Variants in MYH1 observed in about 807,000 individuals in gnomAD.
The protein encoded by MYH1 is myosin heavy chain 1.
MYH1 carries 214 observed loss-of-function variants against 225.6 expected under a neutral mutation model. The ratio of observed to expected loss-of-function variants is 0.95; its 90% CI spans 0.85 to 1.06. The LOEUF is 1.06. Among genes scored for constraint, MYH1 ranks in the 50% least tolerant of loss-of-function variants. The pLI is 0.00. For missense variants in MYH1, 2,098 were observed against 2,344.2 expected (o/e 0.89, Z 2.17); for synonymous variants, 774 against 842.3 (o/e 0.92, Z 1.40).
rs2142281913 is a variant in MYH1 at position 10,516,068 on chromosome 17, C to G, written c.363G>C (p.Leu121Phe). The G allele has an allele frequency of 6.2e-7, 1 of 1,614,086 alleles. No homozygotes were observed. Among genetic ancestry groups the G allele is most frequent in the Admixed American group, 1.7e-5 (1 of 60,018 alleles). The change falls in exon 5 of 40, where the codon TTG (leucine) becomes TTC (phenylalanine). Residue 121 changes from leucine (L) to phenylalanine (F), a missense_variant. Physicochemically the swap from Leu to Phe is conservative, Grantham distance 22. Coordinates refer to ENST00000226207, the MANE Select transcript of MYH1 (RefSeq NM_005963.4). Reference sequence around the variant, plus strand: ...TGTAGGGGTTGACAGTGACACAGAACAAGCCTGAGTAGGTCTGCACCCAAA... The same window carrying G: ...TGTAGGGGTTGACAGTGACACAGAAGAAGCCTGAGTAGGTCTGCACCCAAA... The part of the protein sequence containing the change: ...AAWMIYTYSG[L>F]FCVTVNPYKW...
Position 10,495,888 on chromosome 17 carries a change from A to T in MYH1, c.5169+62T>A. 1.9e-6 allele frequency: 3 copies of T among 1,599,824 alleles called. No individual in the cohort carries two copies. The East Asian group carries it at 6.7e-5, about 36-fold the overall frequency. ...AAATAGATTTCTTAATAGTACCACG[A>T]TTTCAGCAAGAATGTCATTTTCATA... On this transcript the variant is annotated intron_variant, in intron 35 of 39. Transcript: ENST00000226207.
rs1233312315 is a variant in MYH1 at position 10,497,087 on chromosome 17, A to G, written c.4638T>C (p.Ala1546=). 2 of 1,614,012 alleles carry G rather than the reference A, an allele frequency of 1.2e-6. No homozygotes were observed. The highest frequency in any genetic ancestry group is 3.3e-5 in the Admixed American group (2 of 60,004). The change falls in exon 33 of 40, where the codon GCT becomes GCC. Residue 1546 remains alanine, a synonymous_variant. Coordinates refer to ENST00000226207, the MANE Select transcript of MYH1 (RefSeq NM_005963.4). ...TGCTTACCTCTGCCTCCTCTAAGGC[A>G]GCCTGAAGTTCAGACTTTTCTTGCT... The part of the protein sequence containing the change: ...QVEQEKSELQ[A]ALEEAEASLE...
At chr17:10,495,829 A>C in intron 35 of MYH1, 121 bp downstream of exon 35, 1 of 1,218,606 alleles carries the variant, frequency 8.2e-7, no homozygotes, top group East Asian at 2.6e-5. Flanking sequence ...AAAAAAATAA[A>C]ATATTTTAAA....
chr17:10,496,994 G>GATT (rs2073002535), intron 33 of MYH1, 75 bp downstream of exon 33: 1 of 1,547,384 alleles, frequency 6.5e-7, no homozygotes, highest in African/African-American at 1.4e-5. Context: ...CGTTTCTCTT[G>GATT]ATTCACCATT....
rs998434018 is a variant in MYH1 at position 10,514,122 on chromosome 17, C to T, written c.536G>A (p.Gly179Glu). ...DRENQSILIT[G>E]ESGAGKTVNT... ...CACAGTCTTCCCTGCGCCAGATTCT[C>T]CGCTGTCAAAGACCAAACGTATGAG... is the stretch of plus-strand genomic sequence containing the variant. Residue 179 changes from glycine to glutamate, a missense_variant and splice_region_variant, in exon 7 of 40, where the codon GGA (glycine) becomes GAA (glutamate). Gly to Glu is a moderately conservative substitution (Grantham distance 98). Coordinates refer to ENST00000226207, the MANE Select transcript of MYH1 (RefSeq NM_005963.4). The T allele has an allele frequency of 6.2e-7, 1 of 1,614,132 alleles. No homozygotes were observed. The highest frequency in any genetic ancestry group is 1.6e-4 in the Middle Eastern group (1 of 6,062).
chr17:10,500,753 C>T lies in MYH1; in HGVS notation c.3739-1G>A. On this transcript the variant is annotated splice_acceptor_variant, in intron 27 of 39. Transcript: ENST00000226207. LOFTEE classifies it high-confidence loss of function. Reference sequence around the variant, plus strand: ...CGCGGCACATCTTTTCAAGGTTTCCCTGCATTCAAAAAGTGGTAGAAGGCA... The same window carrying T: ...CGCGGCACATCTTTTCAAGGTTTCCTTGCATTCAAAAAGTGGTAGAAGGCA... 6.2e-7 allele frequency: 1 copy of T among 1,614,052 alleles called. No homozygotes were observed. Among genetic ancestry groups the T allele is most frequent in the Non-Finnish European group, 8.5e-7 (1 of 1,179,996 alleles).
In MYH1 at chr17:10,507,043, G is replaced by T. The variant is rs536238121; in HGVS notation, c.1968+843C>A. Among the ~76,000 whole-genome samples, 13 of 152,110 alleles carry T rather than the reference G, an allele frequency of 8.5e-5. No homozygotes were observed. The South Asian group carries it at 2.7e-3, about 32-fold the overall frequency. On this transcript the variant is annotated intron_variant, in intron 17 of 39. Coordinates refer to ENST00000226207, the MANE Select transcript of MYH1 (RefSeq NM_005963.4). ...GTTATTAGAGATGGAATCAGAAATG[G>T]GATTGCCAAAAGAAAAATAGACTTT...
intron 2 of MYH1, among the ~76,000 whole-genome samples, chr17:10,517,930 C>T (rs2073245697): frequency 6.6e-6 from 1 of 152,068 alleles, no homozygotes; most frequent in African/African-American, 2.4e-5. Context: ...TGAAATGTTA[C>T]ATTGCATATT....
chr17:10,497,179 G>C lies in MYH1; in HGVS notation c.4546C>G (p.Leu1516Val), dbSNP rs987428245. Residue 1516 changes from leucine (L) to valine (V), a missense_variant, in exon 33 of 40, where the codon CTC (leucine) becomes GTC (valine). By Grantham distance (32) the Leu-to-Val change is conservative. Transcript: ENST00000226207. ...CCTCCTTCTGCAATCTGTTCAGTGA[G>C]ATCAGAAATCTCCTCTGTTGGTGAA... ...NKNLQQEISD[L>V]TEQIAEGGKR... 8 of 1,611,748 alleles carry C rather than the reference G, an allele frequency of 5.0e-6. No individual in the cohort carries two copies. Among genetic ancestry groups the C allele is most frequent in the Non-Finnish European group, 6.8e-6 (8 of 1,179,520 alleles).
Position 10,499,035 on chromosome 17 carries a change from C to A in MYH1, c.3923G>T (p.Gly1308Val), listed in dbSNP as rs1311980679. The part of the protein sequence containing the change: ...KDTLVSQLSR[G>V]KQAFTQQIEE... The stretch of plus-strand genomic sequence containing the variant: ...AATCTGTTGTGTAAAGGCTTGTTTG[C>A]CCCTCGAGAGCTGTGAAACTAGTGT... Residue 1308 changes from glycine to valine, a missense_variant, in exon 29 of 40, where the codon GGC becomes GTC. Gly to Val is a moderately radical substitution (Grantham distance 109). Coordinates refer to ENST00000226207, the MANE Select transcript of MYH1 (RefSeq NM_005963.4). 1.5e-5 allele frequency: 24 copies of A among 1,614,002 alleles called. No homozygotes were observed. The highest frequency in any genetic ancestry group is 1.9e-5 in the Non-Finnish European group (22 of 1,180,014).
intron 6 of MYH1, 110 bp downstream of exon 6, chr17:10,514,758 G>T: frequency 3.2e-6 from 3 of 933,588 alleles, no homozygotes. Flanking sequence ...TCTAGTTCCA[G>T]GTTGATCATT....
intron 31 of MYH1, 96 bp from the exon 32 acceptor site, chr17:10,497,548 G>T: frequency 6.6e-7 from 1 of 1,503,984 alleles, no homozygotes; most frequent in African/African-American, 1.4e-5. Context: ...GGTGTTCTGG[G>T]ACTGAAAAAA....
intron 27 of MYH1, 93 bp from the exon 28 acceptor site, chr17:10,500,845 T>G (rs2073046631): frequency 6.5e-7 from 1 of 1,539,366 alleles, no homozygotes; most frequent in Non-Finnish European, 8.9e-7. Context: ...GCTGCAGTAC[T>G]CATTTATTTT....
At position 10,501,272 on chromosome 17, in the gene MYH1, C is replaced by T. The variant is rs145424937; in HGVS notation, c.3576G>A (p.Thr1192=). Residue 1192 remains threonine, a synonymous_variant, in exon 27 of 40, where the codon ACG becomes ACA. Transcript: ENST00000226207. ...LEEATLQHEA[T]AATLRKKHAD... Reference sequence around the variant, plus strand: ...CATGCTTCTTCCTCAGGGTGGCCGCCGTGGCTTCATGCTGTAGGGTGGCCT... The same window carrying T: ...CATGCTTCTTCCTCAGGGTGGCCGCTGTGGCTTCATGCTGTAGGGTGGCCT... 6.2e-5 allele frequency: 100 copies of T among 1,614,172 alleles called. No homozygotes were observed. The highest frequency in any genetic ancestry group is 2.1e-4 in the South Asian group (19 of 91,068).
chr17:10,516,260 T>C lies in MYH1; in HGVS notation c.287A>G (p.His96Arg). ...GTACAGCACAGCAGGCTCGTGTAGATGAGTCATCATGGCCATGTCCTCGAT... is the reference window on the plus strand; with the variant it reads ...GTACAGCACAGCAGGCTCGTGTAGACGAGTCATCATGGCCATGTCCTCGAT... The part of the protein sequence containing the change: ...DKIEDMAMMT[H>R]LHEPAVLYNL... The change falls in exon 4 of 40, where the codon CAT becomes CGT. Residue 96 changes from histidine to arginine, a missense_variant. By Grantham distance (29) the His-to-Arg change is conservative (BLOSUM62 0). Coordinates refer to ENST00000226207, the MANE Select transcript of MYH1 (RefSeq NM_005963.4). 6.2e-7 allele frequency: 1 copy of C among 1,614,200 alleles called. No individual in the cohort carries two copies. The highest frequency in any genetic ancestry group is 8.5e-7 in the Non-Finnish European group (1 of 1,180,038).
At chr17:10,514,832 C>A (rs765359393) in intron 6 of MYH1, 36 bp downstream of exon 6, 15 of 1,593,030 alleles carry the variant, frequency 9.4e-6, no homozygotes, top group Non-Finnish European at 1.2e-5. Context: ...CCAGTAAGAA[C>A]AAACTGCCAA....
chr17:10,501,623 G>C lies in MYH1; in HGVS notation c.3319C>G (p.Gln1107Glu). The change falls in exon 26 of 40, where the codon CAG becomes GAG. Residue 1107 changes from glutamine to glutamate, a missense_variant. Gln to Glu is a conservative substitution (Grantham distance 29, BLOSUM62 2). Coordinates refer to ENST00000226207, the MANE Select transcript of MYH1 (RefSeq NM_005963.4). ...KIEDEQALGM[Q>E]LQKKIKELQA... ...AACTCCTTGATTTTCTTCTGCAGCT[G>C]CATACCAAGGGCTTGTTCATCTTCA... 1 of 1,614,202 alleles carries C rather than the reference G, an allele frequency of 6.2e-7. No individual in the cohort carries two copies.
chr17:10,505,127 AGAT>A lies in MYH1; in HGVS notation c.2435+33_2435+35del, dbSNP rs1384184501. 1.9e-6 allele frequency: 3 copies of A among 1,613,552 alleles called. No homozygotes were observed. The Admixed American group carries it at 5.0e-5, about 27-fold the overall frequency. ...ATAAGAAGCAGAATTAAAACACCTA[AGAT>A]GATGAGGTTAAGTAAAGAATTCTTA... is the stretch of plus-strand genomic sequence containing the variant. On this transcript the variant is annotated intron_variant, in intron 21 of 39. Transcript: ENST00000226207.
intron 35 of MYH1, among the ~76,000 whole-genome samples, 173 bp from the exon 36 acceptor site, chr17:10,495,490 G>A (rs964548051): frequency 1.3e-5 from 2 of 151,946 alleles, no homozygotes; most frequent in Non-Finnish European, 2.9e-5. Flanking sequence ...GGCCGGGCGC[G>A]GTGGCTCATG....
Sources: gnomAD v4.1 joint callset for allele counts (sites outside exome capture counted in the v4.1 genomes callset) on GRCh38, gnomAD v4.1.1 for gene constraint, MANE v1.5 for transcripts, NCBI Gene and HGNC (gene_info 2026-07-23, HGNC 2026-07-21) for gene names.